Variants in LTBP4 observed in about 807,000 individuals in gnomAD.
LTBP4 encodes the protein latent transforming growth factor beta binding protein 4, also known as latent-transforming growth factor beta-binding protein 4.
LTBP4 carries 93 observed loss-of-function variants against 180.2 expected under a neutral mutation model. The ratio of observed to expected loss-of-function variants is 0.52; its 90% CI spans 0.44 to 0.61. LTBP4 has a LOEUF of 0.61. LTBP4 is among the 20% of genes least tolerant of loss of function. The pLI is 0.00. For missense variants in LTBP4, 2,116 were observed against 2,256.5 expected, an observed-to-expected ratio of 0.94 and a Z score of 1.26; for synonymous variants, 947 against 934.5, an observed-to-expected ratio of 1.01 and a Z score of -0.24.
intron 12 of LTBP4, 35 bp downstream of exon 12, chr19:40,610,692 T>C: frequency 6.4e-7 from 1 of 1,560,112 alleles, no homozygotes; most frequent in Non-Finnish European, 8.7e-7. Context: ...GGAAGGGGTG[T>C]GAGCGGTTGG....
Position 40,619,545 on chromosome 19 carries a change from C to T in LTBP4, c.3217+52C>T, listed in dbSNP as rs548090321. 68 of 1,546,786 alleles carry T rather than the reference C, an allele frequency of 4.4e-5. 2 individuals are homozygous for T. Among genetic ancestry groups the T allele is most frequent in the Middle Eastern group, 3.8e-4 (2 of 5,248 alleles). Reference sequence around the variant, plus strand: ...ATGGCGGCTGGCCCCATGGGAAAATCACGTGGTCTAATCATTCCTGATGTG... The same window carrying T: ...ATGGCGGCTGGCCCCATGGGAAAATTACGTGGTCTAATCATTCCTGATGTG... On this transcript the variant is annotated intron_variant, in intron 22 of 29. Coordinates refer to ENST00000396819, the MANE Select transcript of LTBP4 (RefSeq NM_001042545.2).
chr19:40,606,641 G>T (rs75217335), intron 6 of LTBP4, 115 bp downstream of exon 6: 2 of 1,339,360 alleles, frequency 1.5e-6, no homozygotes, highest in South Asian at 2.7e-5. Context: ...GGGTTCCTCT[G>T]TCAGCCTTAG....
At chr19:40,596,039 G>T (rs1484041865) in intron 1 of LTBP4, among the ~76,000 whole-genome samples, 1 of 146,642 alleles carries the variant, frequency 6.8e-6, no homozygotes, top group Non-Finnish European at 1.5e-5. Context: ...TCCTGCCTCA[G>T]CCTCCCGAGT....
In LTBP4 at chr19:40,613,791, T is replaced by C; in HGVS notation, c.2558-125T>C. 7.1e-7 allele frequency: 1 copy of C among 1,408,058 alleles called. No homozygotes were observed. Among genetic ancestry groups the C allele is most frequent in the Non-Finnish European group, 9.8e-7 (1 of 1,022,922 alleles). 87.2% of individuals were successfully genotyped at this position (1,408,058 alleles called of 1,614,324 possible). On this transcript the variant is annotated intron_variant, in intron 17 of 29. Coordinates refer to ENST00000396819, the MANE Select transcript of LTBP4 (RefSeq NM_001042545.2). The surrounding 1 kb of genome is among the most constrained non-coding windows in gnomAD (Gnocchi z 5.0). ...GGGGCGGTGTTTGCAGGGAGGGAAG[T>C]AGCGTGAGGCAGGTTGGGGAAGGCG...
chr19:40,607,956 A>G lies in LTBP4; in HGVS notation c.1157-264A>G, dbSNP rs952578137. ...CAAGGGAGCTATTTCCTAGCCTCCAACTCTGTCCCTGTAGACCCAACCGGA... is the reference window on the plus strand; with the variant it reads ...CAAGGGAGCTATTTCCTAGCCTCCAGCTCTGTCCCTGTAGACCCAACCGGA... On this transcript the variant is annotated intron_variant, in intron 7 of 29. Transcript: ENST00000396819. 9.2e-5 allele frequency among the ~76,000 whole-genome samples: 14 copies of G among 152,130 alleles called. No individual in the cohort carries two copies. The highest frequency in any genetic ancestry group is 3.4e-4 in the African/African-American group (14 of 41,508).
chr19:40,622,749 CT>C lies in LTBP4; in HGVS notation c.3484+86del. 2 of 1,495,228 alleles carry C rather than the reference CT, an allele frequency of 1.3e-6. No individual in the cohort carries two copies. Among genetic ancestry groups the C allele is most frequent in the Non-Finnish European group, 1.8e-6 (2 of 1,119,224 alleles). 92.6% of individuals were successfully genotyped at this position (1,495,228 alleles called of 1,614,324 possible). On this transcript the variant is annotated intron_variant, in intron 23 of 29. Coordinates refer to ENST00000396819, the MANE Select transcript of LTBP4 (RefSeq NM_001042545.2). This position sits in a 1 kb window ranked among gnomAD's most constrained non-coding sequence, Gnocchi z 5.1. ...GGGTGTGGGCCTGGGACAGGGGACA[CT>C]TTTGGACAGGGCCTTGAGGTACTAG...
chr19:40,617,320 CGGGTTGT>C, intron 21 of LTBP4, 95 bp downstream of exon 21: 1 of 1,456,382 alleles, frequency 6.9e-7, no homozygotes, highest in Non-Finnish European at 9.2e-7. Context: ...TGGGAATTTT[CGGGTTGT>C]GGAATTTAGA....
intron 1 of LTBP4, 36 bp downstream of exon 1, chr19:40,601,673 CGGG>C: frequency 7.6e-7 from 1 of 1,316,666 alleles, no homozygotes; most frequent in Non-Finnish European, 9.7e-7. Flanking sequence ...AGAGCGGCTC[CGGG>C]GGGGAGGAGG....
chr19:40,593,658 A>C, intron 1 of LTBP4, among the ~76,000 whole-genome samples: 1 of 151,154 alleles, frequency 6.6e-6, no homozygotes, highest in East Asian at 1.9e-4. Flanking sequence ...AATCTAGAAT[A>C]TGGTGGTGTT....
intron 21 of LTBP4, among the ~76,000 whole-genome samples, chr19:40,618,174 C>T (rs1042587866): frequency 3.9e-5 from 6 of 152,008 alleles, no homozygotes; most frequent in African/African-American, 1.2e-4. Context: ...AGCCATCCTC[C>T]CTCCAGAACT....
At chr19:40,607,086 A>T (rs755155934) in intron 6 of LTBP4, among the ~76,000 whole-genome samples, 2 of 151,730 alleles carry the variant, frequency 1.3e-5, no homozygotes, top group Non-Finnish European at 2.9e-5. Context: ...CAGACCCCCA[A>T]ATCCTCTCGT....
At chr19:40,615,790 G>C (rs1227400104) in intron 19 of LTBP4, among the ~76,000 whole-genome samples, 1 of 152,128 alleles carries the variant, frequency 6.6e-6, no homozygotes, top group Non-Finnish European at 1.5e-5. Flanking sequence ...AAACTGGGGG[G>C]CACCTTACTA....
intron 7 of LTBP4, among the ~76,000 whole-genome samples, chr19:40,607,788 C>T (rs1390020342): frequency 2.0e-5 from 3 of 152,230 alleles, no homozygotes; most frequent in Non-Finnish European, 2.9e-5. Context: ...TCCTGAGCGT[C>T]AACGCCCAGT....
intron 12 of LTBP4, 90 bp downstream of exon 12, chr19:40,610,747 A>C (rs1484956339): frequency 1.4e-5 from 21 of 1,475,576 alleles, no homozygotes; most frequent in Admixed American, 2.4e-5. Flanking sequence ...CAATAGGGCA[A>C]AGCGAGTTGA....
rs761574202 is a variant in LTBP4 at position 40,611,993 on chromosome 19, GGGGA to G, written c.2179+20_2179+23del. On this transcript the variant is annotated intron_variant, in intron 14 of 29. Transcript: ENST00000396819. The surrounding 1 kb of genome is among the most constrained non-coding windows in gnomAD (Gnocchi z 4.4). ...TGGCTCCGAGTGCGAGGGTGAGGCC[GGGGA>G]GGGAGGGAGGAGTGTGGATGGGTGA... 1.3e-5 allele frequency: 21 copies of G among 1,610,834 alleles called. No individual in the cohort carries two copies. The highest frequency in any genetic ancestry group is 1.6e-5 in the Non-Finnish European group (19 of 1,178,126).
At chr19:40,601,114 C>T (rs2081420029), upstream of LTBP4, among the ~76,000 whole-genome samples, 1 of 152,184 alleles carries the variant, frequency 6.6e-6, no homozygotes, top group Non-Finnish European at 1.5e-5. Flanking sequence ...TTCCCTTCCC[C>T]GCCGCTCCCC....
At chr19:40,626,068 GC>G (rs1415572480) in intron 27 of LTBP4, 59 bp downstream of exon 27, 3 of 1,503,304 alleles carry the variant, frequency 2.0e-6, no homozygotes, top group Non-Finnish European at 2.7e-6. Context: ...CCAAATCTAG[GC>G]CCTCAGATCC....
At chr19:40,615,171 A>G (rs1271063080) in intron 19 of LTBP4, among the ~76,000 whole-genome samples, 1 of 92,952 alleles carries the variant, frequency 1.1e-5, no homozygotes, top group African/African-American at 4.6e-5. Flanking sequence ...TCTTCCATAC[A>G]GTATATATTT....
rs1001602262 is a variant in LTBP4, at chr19:40,601,603, C to A, written c.216C>A (p.Gly72=). 1.4e-6 allele frequency: 2 copies of A among 1,399,534 alleles called. No homozygotes were observed. The highest frequency in any genetic ancestry group is 1.8e-6 in the Non-Finnish European group (2 of 1,084,726). The allele number at this position is 1,399,534 out of a possible 1,614,324, so 86.7% of individuals were successfully genotyped here. ...NATSVDSGAP[G]GAAPGGPGFR... ...CCAGCGTGGACAGCGGCGCTCCCGG[C>A]GGGGCGGCCCCGGGGGGACCCGGCT... The change falls in exon 1 of 30, where the codon GGC becomes GGA. Residue 72 remains glycine (G), a synonymous_variant. Coordinates refer to ENST00000396819, the MANE Select transcript of LTBP4 (RefSeq NM_001042545.2).
Sources: gnomAD v4.1 joint callset for allele counts (sites outside exome capture counted in the v4.1 genomes callset) on GRCh38, gnomAD v4.1.1 for gene constraint, Gnocchi (gnomAD v3.1) non-coding constraint, MANE v1.5 for transcripts, NCBI Gene and HGNC (gene_info 2026-07-23, HGNC 2026-07-21) for gene names.